PDCD10: variants seen among roughly 807,000 people sequenced by gnomAD.
PDCD10 encodes the protein programmed cell death protein 10.
In PDCD10, 4 loss-of-function variants were observed where a neutral mutation model predicts 29.2. That is an observed-to-expected ratio of 0.14 (90% CI 0.07 to 0.31). The LOEUF is 0.31. Ranked by LOEUF, PDCD10 falls within the 10% of genes least tolerant of loss-of-function variation. PDCD10 has a pLI of 1.00. For missense variants in PDCD10, 183 were observed against 257.9 expected (o/e 0.71, Z 1.99); for synonymous variants, 70 against 82.2 (o/e 0.85, Z 0.80).
At chr3:167,699,884 C>A (rs1172363951) in intron 4 of PDCD10, among the ~76,000 whole-genome samples, 1 of 151,986 alleles carries the variant, frequency 6.6e-6, no homozygotes, top group Non-Finnish European at 1.5e-5. Context: ...TTTGAAAAAA[C>A]TTATAGACAA....
intron 3 of PDCD10, among the ~76,000 whole-genome samples, chr3:167,718,285 TA>T (rs1299817673): frequency 6.6e-6 from 1 of 152,134 alleles, no homozygotes; most frequent in African/African-American, 2.4e-5. Context: ...CTCTAGACCC[TA>T]ACAGAAGTAT....
intron 2 of PDCD10, among the ~76,000 whole-genome samples, chr3:167,723,784 A>G (rs1163524841): frequency 6.6e-6 from 1 of 152,240 alleles, no homozygotes; most frequent in Non-Finnish European, 1.5e-5. Flanking sequence ...GACAAAAGGC[A>G]TACTTTTAAA....
At chr3:167,730,321 TAC>T (rs564951537) in intron 2 of PDCD10, among the ~76,000 whole-genome samples, 69 of 152,180 alleles carry the variant, frequency 4.5e-4, no homozygotes, top group Non-Finnish European at 8.8e-4. Context: ...AAATCACTTT[TAC>T]AGTTTATATT....
At chr3:167,718,471 T>A (rs1723241608) in intron 3 of PDCD10, among the ~76,000 whole-genome samples, 1 of 152,014 alleles carries the variant, frequency 6.6e-6, no homozygotes, top group Non-Finnish European at 1.5e-5. Context: ...CTAAAAAGTG[T>A]CTCCAATGCT....
intron 3 of PDCD10, among the ~76,000 whole-genome samples, chr3:167,706,447 C>CCTAGGCTGTATGATACAGCCTACTGTGT (rs1721978500): frequency 6.6e-6 from 1 of 152,224 alleles, no homozygotes; most frequent in African/African-American, 2.4e-5. Flanking sequence ...CTACCACACA[C>CCTAGGCTGTATGATACAGCCTACTGTGT]CTAGGCTGTA....
At chr3:167,725,868 AGCATT>A (rs938142630) in intron 2 of PDCD10, among the ~76,000 whole-genome samples, 6 of 146,172 alleles carry the variant, frequency 4.1e-5, no homozygotes, top group Non-Finnish European at 7.5e-5. Context: ...AAAAAGCATA[AGCATT>A]TAAAGTCTCA....
At chr3:167,717,110 C>A (rs1723102022) in intron 3 of PDCD10, among the ~76,000 whole-genome samples, 1 of 152,004 alleles carries the variant, frequency 6.6e-6, no homozygotes, top group Admixed American at 6.6e-5. Context: ...CTGAACTCCA[C>A]AGCAGCTGAT....
intron 2 of PDCD10, among the ~76,000 whole-genome samples, chr3:167,728,810 T>G (rs1375174023): frequency 1.3e-5 from 2 of 152,156 alleles, no homozygotes; most frequent in South Asian, 2.1e-4. Context: ...AAACAGCACA[T>G]ACCCTTGAAG....
intron 2 of PDCD10, among the ~76,000 whole-genome samples, chr3:167,726,536 G>A (rs865783177): frequency 2.0e-5 from 3 of 152,250 alleles, no homozygotes; most frequent in Middle Eastern, 6.8e-3. Flanking sequence ...TTGCTCAGCT[G>A]GATGCTATCA....
At chr3:167,726,978 A>G (rs1393925870) in intron 2 of PDCD10, among the ~76,000 whole-genome samples, 1 of 152,224 alleles carries the variant, frequency 6.6e-6, no homozygotes, top group Admixed American at 6.5e-5. Context: ...GGATGCATAA[A>G]TACACTTAGT....
At chr3:167,699,888 T>C (rs6768410) in intron 4 of PDCD10, among the ~76,000 whole-genome samples, 34,685 of 152,030 alleles carry the variant, frequency 0.23, 4,148 homozygotes, top group Non-Finnish European at 0.26. Context: ...AAAAAACTTA[T>C]AGACAAACTG....
At chr3:167,707,130 T>C (rs1320825040) in intron 3 of PDCD10, among the ~76,000 whole-genome samples, 2 of 152,190 alleles carry the variant, frequency 1.3e-5, no homozygotes, top group Non-Finnish European at 2.9e-5. Context: ...GTGACTGCCA[T>C]CAGTTGAAGC....
chr3:167,700,622 T>C (rs1223289700), intron 4 of PDCD10, among the ~76,000 whole-genome samples: 3 of 152,208 alleles, frequency 2.0e-5, no homozygotes, highest in Non-Finnish European at 2.9e-5. Flanking sequence ...AGGATATCTA[T>C]AAGAAAGGCA....
At chr3:167,697,189 T>G (rs548507262) in intron 4 of PDCD10, 63 bp from the exon 5 acceptor site, 1 of 897,902 alleles carries the variant, frequency 1.1e-6, no homozygotes, top group African/African-American at 1.6e-5. Context: ...AAAGCCAAAG[T>G]TTAATTGTTT....
intron 4 of PDCD10, among the ~76,000 whole-genome samples, chr3:167,700,621 A>G (rs1261655437): frequency 2.0e-5 from 3 of 152,218 alleles, no homozygotes; most frequent in Admixed American, 6.5e-5. Flanking sequence ...CAGGATATCT[A>G]TAAGAAAGGC....
intron 2 of PDCD10, among the ~76,000 whole-genome samples, chr3:167,731,921 C>T (rs1316648412): frequency 6.6e-6 from 1 of 152,010 alleles, no homozygotes; most frequent in Non-Finnish European, 1.5e-5. Context: ...GTGAGGGGAA[C>T]AGTCCAAGGA....
chr3:167,704,569 A>C (rs996187617), intron 4 of PDCD10: 7 of 280,836 alleles, frequency 2.5e-5, no homozygotes, highest in South Asian at 5.6e-5. Flanking sequence ...AAAAAAAAAA[A>C]CCCTCAAAAA....
In PDCD10 at chr3:167,697,063, C is replaced by T. The variant is rs562763010; in HGVS notation, c.214G>A (p.Val72Met). 3.3e-5 allele frequency: 53 copies of T among 1,611,758 alleles called. No individual in the cohort carries two copies. Among genetic ancestry groups the T allele is most frequent in the Admixed American group, 5.0e-5 (3 of 60,004 alleles). Residue 72 changes from valine to methionine, a missense_variant, in exon 5 of 9, where the codon GTG (valine) becomes ATG (methionine). Coordinates refer to ENST00000392750, the MANE Select transcript of PDCD10 (RefSeq NM_007217.4). ...AGGGACTCCGTGAAGTTAACTTCCA[C>T]GCTTTTTTTCTCTAAAATTTTCATA... ...IIMKILEKKS[V>M]EVNFTESLLR...
intron 6 of PDCD10, chr3:167,694,301 TAAG>T (rs1191465652): frequency 5.2e-6 from 1 of 193,346 alleles, no homozygotes; most frequent in African/African-American, 2.4e-5. Context: ...CTGGATTATG[TAAG>T]AAGAGAGACG....
Sources: gnomAD v4.1 joint callset for allele counts (sites outside exome capture counted in the v4.1 genomes callset) on GRCh38, gnomAD v4.1.1 for gene constraint, MANE v1.5 for transcripts, NCBI Gene and HGNC (gene_info 2026-07-23, HGNC 2026-07-21) for gene names.